The following GPR155 variants were observed in gnomAD, a reference collection of about 807,000 sequenced individuals.
The protein encoded by GPR155 is G protein-coupled receptor 155, also known as lysosomal cholesterol signaling protein.
A neutral mutation model predicts 93.1 loss-of-function variants in GPR155; 65 were observed. That is an observed-to-expected ratio of 0.70 (90% CI 0.57 to 0.86). The LOEUF (loss-of-function observed/expected upper bound fraction) is 0.86. GPR155 is among the 40% of genes least tolerant of loss of function. GPR155 has a pLI of 0.00. For synonymous variants in GPR155, 319 were observed against 360.1 expected (o/e 0.89, Z 1.29); for missense variants, 838 against 1,034.8 (o/e 0.81, Z 2.61).
intron 14 of GPR155, among the ~76,000 whole-genome samples, chr2:174,441,752 CGTGT>C (rs943243656): frequency 1.5e-5 from 2 of 131,148 alleles, no homozygotes; most frequent in South Asian, 2.4e-4. Flanking sequence ...TGTGTGTGTG[CGTGT>C]GTGTGTGACA....
chr2:174,484,279 T>G (rs967459911), intron 1 of GPR155, among the ~76,000 whole-genome samples: 43 of 152,240 alleles, frequency 2.8e-4, no homozygotes, highest in Non-Finnish European at 5.9e-5. Flanking sequence ...TTGGTACAGA[T>G]ACACATACTT....
At chr2:174,467,920 G>C (rs1249700348) in intron 5 of GPR155, among the ~76,000 whole-genome samples, 2 of 152,136 alleles carry the variant, frequency 1.3e-5, no homozygotes, top group Non-Finnish European at 1.5e-5. Flanking sequence ...ATTTTTAGTA[G>C]AGATGGGGAT....
chr2:174,466,627 T>C lies in GPR155; in HGVS notation c.1183A>G (p.Ile395Val). The change falls in exon 6 of 16, where the codon ATC (isoleucine) becomes GTC (valine). Residue 395 changes from isoleucine to valine, a missense_variant and splice_region_variant. This residue lies in a region of GPR155 where 663 missense variants were observed against 790.1 expected (regional missense o/e 0.84). Coordinates refer to ENST00000392552, the MANE Select transcript of GPR155 (RefSeq NM_152529.7). ...AAAAGAAGAATAGCCAGAGACCAGATCTTGAAGACAAAAGGTTCAAAAGTT... is the reference window on the plus strand; with the variant it reads ...AAAAGAAGAATAGCCAGAGACCAGACCTTGAAGACAAAAGGTTCAAAAGTT... ...DISIVSLISL[I>V]WSLAILLLSK... 6.5e-7 allele frequency: 1 copy of C among 1,543,736 alleles called. No individual in the cohort carries two copies. The highest frequency in any genetic ancestry group is 8.9e-7 in the Non-Finnish European group (1 of 1,124,716).
intron 1 of GPR155, among the ~76,000 whole-genome samples, chr2:174,484,445 T>A (rs1374289987): frequency 6.6e-6 from 1 of 152,254 alleles, no homozygotes; most frequent in East Asian, 1.9e-4. Context: ...AATAACTCAT[T>A]CTGCTTATAA....
At chr2:174,463,219 T>G (rs1687750889) in intron 7 of GPR155, among the ~76,000 whole-genome samples, 1 of 152,102 alleles carries the variant, frequency 6.6e-6, no homozygotes, top group Non-Finnish European at 1.5e-5. Flanking sequence ...TTTATTTTTA[T>G]TTTATTTTAG....
At chr2:174,465,611 A>C (rs1356359051) in intron 7 of GPR155, among the ~76,000 whole-genome samples, 174 bp downstream of exon 7, 3 of 152,234 alleles carry the variant, frequency 2.0e-5, no homozygotes, top group African/African-American at 2.4e-5. Flanking sequence ...AATAGAGTAC[A>C]TTAGGAAACA....
At chr2:174,477,131 C>A (rs1011705018) in intron 2 of GPR155, among the ~76,000 whole-genome samples, 1 of 152,066 alleles carries the variant, frequency 6.6e-6, no homozygotes, top group African/African-American at 2.4e-5. Context: ...GTCAATGAAT[C>A]CATTTTTATA....
chr2:174,483,281 G>A (rs1688382778), intron 1 of GPR155: 1 of 152,058 alleles, frequency 6.6e-6, no homozygotes, highest in South Asian at 2.1e-4. Flanking sequence ...TTTACAGACA[G>A]AATTTTTTTT....
In GPR155 at chr2:174,446,532, T is replaced by G. The variant is rs537635784; in HGVS notation, c.2013+79A>C. On this transcript the variant is annotated intron_variant, in intron 12 of 15. Transcript: ENST00000392552. Reference sequence around the variant, plus strand: ...CACTTCTGGAAAGCAGCAACTAAGTTTTTCCCGGATGCCTGAATAAAACCT... The same window carrying G: ...CACTTCTGGAAAGCAGCAACTAAGTGTTTCCCGGATGCCTGAATAAAACCT... The G allele has an allele frequency of 3.6e-6, 5 of 1,402,606 alleles. No homozygotes were observed. In the Admixed American group the frequency reaches 6.3e-5, roughly 18 times the overall value. The allele number at this position is 1,402,606 out of a possible 1,614,324, so 86.9% of individuals were successfully genotyped here.
intron 10 of GPR155, among the ~76,000 whole-genome samples, chr2:174,456,011 C>A (rs1687506621): frequency 6.6e-6 from 1 of 151,828 alleles, no homozygotes; most frequent in African/African-American, 2.4e-5. Flanking sequence ...CTGGCAAATT[C>A]TTGTATTTTT....
chr2:174,457,315 A>T (rs1045410988), intron 10 of GPR155, among the ~76,000 whole-genome samples: 2 of 152,226 alleles, frequency 1.3e-5, no homozygotes, highest in Non-Finnish European at 1.5e-5. Flanking sequence ...TTGTTTCAAA[A>T]GAAGAGAAGA....
intron 5 of GPR155, 92 bp from the exon 6 acceptor site, chr2:174,466,719 C>G: frequency 1.5e-6 from 1 of 680,774 alleles, no homozygotes; most frequent in Non-Finnish European, 2.6e-6. Flanking sequence ...TTAAATAACC[C>G]TCTTTGTCCT....
intron 11 of GPR155, among the ~76,000 whole-genome samples, 175 bp from the exon 12 acceptor site, chr2:174,446,922 G>A (rs1687150210): frequency 6.6e-6 from 1 of 152,144 alleles, no homozygotes; most frequent in Admixed American, 6.5e-5. Flanking sequence ...AAGAATTCTA[G>A]CTGAAATGTT....
chr2:174,468,104 G>A (rs1574726154), intron 5 of GPR155, among the ~76,000 whole-genome samples: 2 of 152,188 alleles, frequency 1.3e-5, no homozygotes, highest in Non-Finnish European at 2.9e-5. Flanking sequence ...GTATCCTGGC[G>A]ACTTCCTTCT....
chr2:174,456,387 C>T (rs1423244639), intron 10 of GPR155, among the ~76,000 whole-genome samples: 1 of 152,014 alleles, frequency 6.6e-6, no homozygotes, highest in Non-Finnish European at 1.5e-5. Flanking sequence ...TCACTGCAGC[C>T]TCTGCTTTCC....
At position 174,436,268 on chromosome 2, in the gene GPR155, C is replaced by T. The variant is rs763051831; in HGVS notation, c.2461G>A (p.Glu821Lys). ...QGGVIQHITN[E>K]YEFRDEYLFY... ...AAGTACTCATCCCGGAATTCATACT[C>T]GTTGGTAATATGTTGGATGACTCCC... The change falls in exon 16 of 16, where the codon GAG becomes AAG. Residue 821 changes from glutamate to lysine, a missense_variant. This residue lies in a region of GPR155 where 146 missense variants were observed against 177.5 expected (regional missense o/e 0.82). Coordinates refer to ENST00000392552, the MANE Select transcript of GPR155 (RefSeq NM_152529.7). 6.2e-7 allele frequency: 1 copy of T among 1,614,118 alleles called. No individual in the cohort carries two copies. Among genetic ancestry groups the T allele is most frequent in the East Asian group, 2.2e-5 (1 of 44,888 alleles).
chr2:174,438,777 G>A (rs1394424677), intron 15 of GPR155, among the ~76,000 whole-genome samples: 1 of 152,172 alleles, frequency 6.6e-6, no homozygotes, highest in African/African-American at 2.4e-5. Context: ...AAAGTGCTGG[G>A]ATTACAGGCA....
In GPR155 at chr2:174,462,953, A is replaced by G. The variant is rs1300226782; in HGVS notation, c.1385-1281T>C. Among the ~76,000 whole-genome samples, 3 of 152,354 alleles carry G rather than the reference A, an allele frequency of 2.0e-5. No homozygotes were observed. In the South Asian group the frequency reaches 6.2e-4, roughly 32 times the overall value. On this transcript the variant is annotated intron_variant, in intron 7 of 15. Coordinates refer to ENST00000392552, the MANE Select transcript of GPR155 (RefSeq NM_152529.7). ...AAATGAGGGTTTGCCCAAGTCATAC[A>G]GCCAGCAGAGGGCAGAGTGAGACTA...
intron 12 of GPR155, among the ~76,000 whole-genome samples, chr2:174,446,328 T>G (rs6433480): frequency 0.26 from 3,614 of 13,746 alleles, 225 homozygotes; most frequent in African/African-American, 0.43. Context: ...AAATAAAAAA[T>G]AAAAAGAAAT....
Sources: gnomAD v4.1 joint callset for allele counts (sites outside exome capture counted in the v4.1 genomes callset) on GRCh38, gnomAD v4.1.1 for gene constraint, gnomAD v4.1.1 regional missense constraint, MANE v1.5 for transcripts, NCBI Gene and HGNC (gene_info 2026-07-23, HGNC 2026-07-21) for gene names.